The following SLC10A7 variants were observed in gnomAD, a reference collection of about 807,000 sequenced individuals.
SLC10A7 encodes the protein sodium/bile acid cotransporter 7.
Under a neutral mutation model 43.2 loss-of-function variants are expected in SLC10A7, and 29 were observed. The observed-to-expected ratio is 0.67, with a 90% CI of 0.50 to 0.92. The LOEUF is 0.92. SLC10A7 is among the 40% of genes least tolerant of loss of function. The pLI is 0.00. For synonymous variants in SLC10A7, 152 were observed against 144.8 expected (o/e 1.05, Z -0.35); for missense variants, 295 against 403.2 (o/e 0.73, Z 2.30).
At chr4:146,518,591 G>A (rs937733265) in intron 1 of SLC10A7, among the ~76,000 whole-genome samples, 1 of 152,052 alleles carries the variant, frequency 6.6e-6, no homozygotes, top group African/African-American at 2.4e-5. Context: ...CAGAACCTGT[G>A]AATGTCACAT....
chr4:146,430,156 GGA>G (rs1347190394), intron 5 of SLC10A7, among the ~76,000 whole-genome samples: 1 of 151,982 alleles, frequency 6.6e-6, no homozygotes, highest in Non-Finnish European at 1.5e-5. Flanking sequence ...TTAACAAACA[GGA>G]GAGGGTGAAG....
intron 4 of SLC10A7, among the ~76,000 whole-genome samples, chr4:146,490,803 G>A (rs1393273006): frequency 5.9e-5 from 9 of 152,120 alleles, no homozygotes. Context: ...ATACATGAAA[G>A]AATCCTGGAA....
At chr4:146,439,199 T>C (rs1173807323) in intron 5 of SLC10A7, among the ~76,000 whole-genome samples, 2 of 152,082 alleles carry the variant, frequency 1.3e-5, no homozygotes, top group Non-Finnish European at 2.9e-5. Context: ...CCAGCCTAGA[T>C]ACATTAAAAA....
chr4:146,374,812 A>G (rs1354254675), intron 5 of SLC10A7, among the ~76,000 whole-genome samples: 1 of 152,182 alleles, frequency 6.6e-6, no homozygotes, highest in Non-Finnish European at 1.5e-5. Flanking sequence ...AAGATGCATG[A>G]CATTTAAAAA....
rs144010252 is a variant in SLC10A7 at position 146,284,850 on chromosome 4, C to G, written c.774-1585G>C. Among the ~76,000 whole-genome samples, 1,151 of 152,116 alleles carry G rather than the reference C, an allele frequency of 7.6e-3. 13 individuals are homozygous for G. The highest frequency in any genetic ancestry group is 0.027 in the African/African-American group (1,113 of 41,472). The stretch of plus-strand genomic sequence containing the variant: ...CCATAAGGTTCCGTAAATGCATGGG[C>G]TGAGAGATGAAAGCACTACAGACAT... On this transcript the variant is annotated intron_variant, in intron 9 of 11. Transcript: ENST00000335472.
In SLC10A7 at chr4:146,256,474, A is replaced by G. The variant is rs777953099; in HGVS notation, c.*17T>C. ...CCTGTACATATATACATTGCTACAG[A>G]AAGTCCACCTCCTTTGTTATACTGT... On this transcript the variant is annotated 3_prime_UTR_variant, in exon 12 of 12. Transcript: ENST00000335472. The G allele has an allele frequency of 1.9e-6, 3 of 1,613,652 alleles. No individual in the cohort carries two copies. Among genetic ancestry groups the G allele is most frequent in the Non-Finnish European group, 2.5e-6 (3 of 1,179,660 alleles).
chr4:146,332,843 A>G (rs4407528), intron 5 of SLC10A7, among the ~76,000 whole-genome samples: 124,501 of 152,146 alleles, frequency 0.82, 51,749 homozygotes, highest in African/African-American at 0.95. Flanking sequence ...TCAGTCTCCT[A>G]GAACATAACC....
intron 5 of SLC10A7, among the ~76,000 whole-genome samples, chr4:146,382,293 C>T (rs1737682756): frequency 6.6e-6 from 1 of 152,148 alleles, no homozygotes. Context: ...TGCTCAAGGA[C>T]TGCATAAAGT....
intron 1 of SLC10A7, among the ~76,000 whole-genome samples, chr4:146,519,728 G>T (rs1738439875): frequency 6.6e-6 from 1 of 152,074 alleles, no homozygotes; most frequent in African/African-American, 2.4e-5. Flanking sequence ...TAAATACCCT[G>T]GTCTCCAATA....
At chr4:146,383,494 C>T (rs189426608) in intron 5 of SLC10A7, among the ~76,000 whole-genome samples, 22 of 152,260 alleles carry the variant, frequency 1.4e-4, no homozygotes, top group Non-Finnish European at 2.1e-4. Flanking sequence ...AATCTCTAGA[C>T]GATATTTAAG....
intron 5 of SLC10A7, among the ~76,000 whole-genome samples, chr4:146,326,927 C>T (rs796385777): frequency 8.4e-5 from 2 of 23,928 alleles, no homozygotes; most frequent in East Asian, 3.5e-3. Context: ...GACACACACA[C>T]ACACACACAC....
At chr4:146,341,456 A>C (rs1734257124) in intron 5 of SLC10A7, among the ~76,000 whole-genome samples, 1 of 151,858 alleles carries the variant, frequency 6.6e-6, no homozygotes, top group Admixed American at 6.6e-5. Flanking sequence ...ACTAACTTGA[A>C]TCAGTGTTAG....
intron 5 of SLC10A7, among the ~76,000 whole-genome samples, chr4:146,407,516 A>G (rs557322445): frequency 6.6e-6 from 1 of 152,336 alleles, no homozygotes; most frequent in South Asian, 2.1e-4. Context: ...CTTTATATAC[A>G]CTGAACAACC....
At position 146,306,394 on chromosome 4, in the gene SLC10A7, CAAGATA is replaced by C. The variant is rs1731573361; in HGVS notation, c.472-391_472-386del. Among the ~76,000 whole-genome samples, 6 of 152,150 alleles carry C rather than the reference CAAGATA, an allele frequency of 3.9e-5. No homozygotes were observed. The South Asian group carries it at 1.2e-3, about 32-fold the overall frequency. Reference sequence around the variant, plus strand: ...TAAAATAAATGTCTCATTCCTTTATCAAGATAACATTTTTATTTATGTAAATGAAAT... The same window carrying C: ...TAAAATAAATGTCTCATTCCTTTATCACATTTTTATTTATGTAAATGAAAT... On this transcript the variant is annotated intron_variant, in intron 6 of 11. Coordinates refer to ENST00000335472, the MANE Select transcript of SLC10A7 (RefSeq NM_001029998.6).
chr4:146,518,099 C>A (rs1040194384), intron 1 of SLC10A7, among the ~76,000 whole-genome samples: 1 of 152,052 alleles, frequency 6.6e-6, no homozygotes, highest in Non-Finnish European at 1.5e-5. Context: ...GTTAACACTG[C>A]GAGAACAATA....
At chr4:146,404,109 C>G in intron 5 of SLC10A7, among the ~76,000 whole-genome samples, 1 of 152,232 alleles carries the variant, frequency 6.6e-6, no homozygotes. Flanking sequence ...CTCCACCACC[C>G]GGGCTCAAGT....
chr4:146,290,834 TGGGTGAC>T (rs1730396170), intron 9 of SLC10A7, among the ~76,000 whole-genome samples: 1 of 152,152 alleles, frequency 6.6e-6, no homozygotes, highest in African/African-American at 2.4e-5. Flanking sequence ...CATTCCAGCC[TGGGTGAC>T]AGAGCAAGCC....
At chr4:146,453,146 G>A (rs537073225) in intron 4 of SLC10A7, among the ~76,000 whole-genome samples, 1 of 151,868 alleles carries the variant, frequency 6.6e-6, no homozygotes, top group Non-Finnish European at 1.5e-5. Flanking sequence ...GACACCAGTG[G>A]AAAAAATTAT....
chr4:146,337,315 C>T (rs1428081403), intron 5 of SLC10A7, among the ~76,000 whole-genome samples: 3 of 152,016 alleles, frequency 2.0e-5, no homozygotes, highest in Non-Finnish European at 2.9e-5. Flanking sequence ...CTCACTTTGG[C>T]CTGCATGCCT....
Sources: allele counts gnomAD v4.1 joint callset (sites outside exome capture counted in the v4.1 genomes callset), GRCh38; gene constraint gnomAD v4.1.1; transcripts MANE v1.5; gene names NCBI Gene and HGNC (gene_info 2026-07-23, HGNC 2026-07-21).